PPP1R42: variants seen among roughly 807,000 people sequenced by gnomAD.
PPP1R42 encodes protein phosphatase 1 regulatory subunit 42, also known as leucine rich repeat containing 67.
A neutral mutation model predicts 31.0 loss-of-function variants in PPP1R42; 34 were observed. That is an observed-to-expected ratio of 1.10 (90% CI 0.83 to 1.46). The LOEUF is 1.46. Among genes scored for constraint, PPP1R42 ranks in the 40% most tolerant of loss-of-function variants. PPP1R42 has a pLI of 0.00. For synonymous variants in PPP1R42, 103 were observed against 109.8 expected (o/e 0.94, Z 0.39); for missense variants, 268 against 303.0 (o/e 0.88, Z 0.86).
chr8:66,984,772 A>G (rs747707441), intron 6 of PPP1R42: 5 of 1,608,574 alleles, frequency 3.1e-6, no homozygotes, highest in Non-Finnish European at 4.3e-6. Context: ...TTCTGTTCCT[A>G]ATACTCGCAT....
intron 5 of PPP1R42, among the ~76,000 whole-genome samples, chr8:67,000,891 G>A (rs944294422): frequency 3.3e-5 from 5 of 152,198 alleles, no homozygotes; most frequent in Non-Finnish European, 7.3e-5. Flanking sequence ...ACCAATGCAA[G>A]AGAAGTGTTG....
chr8:67,014,370 T>C (rs960763262), intron 3 of PPP1R42, 56 bp downstream of exon 3: 5 of 1,077,246 alleles, frequency 4.6e-6, no homozygotes, highest in Non-Finnish European at 6.4e-6. Context: ...TGCAAAAAAA[T>C]GTAAGTACCA....
At chr8:66,989,953 C>T (rs754839793) in intron 5 of PPP1R42, among the ~76,000 whole-genome samples, 5 of 152,144 alleles carry the variant, frequency 3.3e-5, no homozygotes, top group Non-Finnish European at 5.9e-5. Flanking sequence ...TTAACTAATT[C>T]CCTTTCTCTT....
chr8:66,988,624 A>G, intron 5 of PPP1R42, 107 bp from the exon 6 acceptor site: 1 of 995,208 alleles, frequency 1.0e-6, no homozygotes, highest in Non-Finnish European at 1.4e-6. Flanking sequence ...ATGGAGTTCT[A>G]GCTCAGAGCC....
At chr8:66,991,914 G>C (rs555111517) in intron 5 of PPP1R42, among the ~76,000 whole-genome samples, 1 of 152,324 alleles carries the variant, frequency 6.6e-6, no homozygotes, top group Non-Finnish European at 1.5e-5. Flanking sequence ...CCGAGATTCT[G>C]CATTTCTGCT....
At chr8:66,997,763 G>A (rs1292893619) in intron 5 of PPP1R42, among the ~76,000 whole-genome samples, 1 of 151,582 alleles carries the variant, frequency 6.6e-6, no homozygotes, top group Non-Finnish European at 1.5e-5. Flanking sequence ...TATTGCCCAG[G>A]CTGGTCTCAA....
chr8:67,015,598 CT>C (rs375638249), intron 2 of PPP1R42, among the ~76,000 whole-genome samples: 2,975 of 135,402 alleles, frequency 0.022, 43 homozygotes, highest in South Asian at 0.048. Flanking sequence ...ACATCAATTA[CT>C]TTTTTTTTTT....
chr8:66,988,315 A>G (rs1229763984), intron 6 of PPP1R42, 85 bp downstream of exon 6: 1 of 1,288,238 alleles, frequency 7.8e-7, no homozygotes, highest in Non-Finnish European at 9.8e-7. Context: ...TGTCAGATTT[A>G]TATTTCTGAA....
chr8:67,025,116 TTTTA>T (rs1816354827), intron 1 of PPP1R42, among the ~76,000 whole-genome samples: 1 of 151,342 alleles, frequency 6.6e-6, no homozygotes, highest in Non-Finnish European at 1.5e-5. Flanking sequence ...TTTTTATTTT[TTTTA>T]TTTTTATAGA....
At chr8:66,980,307 G>A (rs1168567458) in intron 7 of PPP1R42, among the ~76,000 whole-genome samples, 2 of 151,980 alleles carry the variant, frequency 1.3e-5, no homozygotes, top group Non-Finnish European at 2.9e-5. Flanking sequence ...GCTCACTACA[G>A]CCTTGATCTC....
In PPP1R42 at chr8:67,012,984, C is replaced by T; in HGVS notation, c.409G>A (p.Asp137Asn). ...RLPLGEKLLFDPRTLHSLAKS... is the reference protein window; with the variant it reads ...RLPLGEKLLFNPRTLHSLAKS... ...GCCAGAGAATGAAGAGTTCTTGGAT[C>T]AAACAGAAGCTTTTCCCCAAGGGGA... Residue 137 changes from aspartate (D) to asparagine (N), a missense_variant, in exon 4 of 8, where the codon GAT becomes AAT. By Grantham distance (23) the Asp-to-Asn change is conservative (BLOSUM62 1). Transcript: ENST00000685739. 6.2e-7 allele frequency: 1 copy of T among 1,609,612 alleles called. No homozygotes were observed. The highest frequency in any genetic ancestry group is 2.2e-5 in the East Asian group (1 of 44,774).
intron 6 of PPP1R42, chr8:66,985,488 T>C: frequency 9.2e-7 from 1 of 1,083,182 alleles, no homozygotes; most frequent in Non-Finnish European, 1.4e-6. Context: ...TTTGGTCTTT[T>C]AACTCCCCCT....
At position 66,982,106 on chromosome 8, in the gene PPP1R42, TG is replaced by T; in HGVS notation, c.744del (p.Lys249ArgfsTer19). 6.7e-7 allele frequency: 1 copy of T among 1,496,730 alleles called. No individual in the cohort carries two copies. The highest frequency in any genetic ancestry group is 1.4e-5 in the African/African-American group (1 of 71,206). 92.7% of individuals were successfully genotyped at this position (1,496,730 alleles called of 1,614,324 possible). A position where few individuals can be genotyped will look rare whatever the true frequency, so the allele number is the denominator to read the frequency against. On this transcript the variant is annotated frameshift_variant, in exon 7 of 8. Coordinates refer to ENST00000685739, the MANE Select transcript of PPP1R42 (RefSeq NM_001364910.1). LOFTEE classifies it high-confidence loss of function. ...FLMNWKASKD[A>X]KKISKKRSSK... ...CTGCTCCTTTTTTTGCTGATTTTCT[TG>T]GCATCTTTGGATGCTTTCCAATTCA...
intron 1 of PPP1R42, among the ~76,000 whole-genome samples, chr8:67,024,288 T>C (rs1449503532): frequency 5.9e-5 from 9 of 152,160 alleles, no homozygotes; most frequent in African/African-American, 2.2e-4. Context: ...TGTGGTGAAA[T>C]ACATTAATAG....
intron 7 of PPP1R42, among the ~76,000 whole-genome samples, chr8:66,977,401 G>T (rs934779414): frequency 6.8e-4 from 102 of 150,940 alleles, no homozygotes; most frequent in African/African-American, 2.4e-3. Flanking sequence ...GCAGTGGCGT[G>T]ATCATAGCTC....
Position 67,014,551 on chromosome 8 carries a change from TA to T in PPP1R42, c.170del (p.Leu57TyrfsTer12). 6.4e-7 allele frequency: 1 copy of T among 1,550,556 alleles called. No individual in the cohort carries two copies. Among genetic ancestry groups the T allele is most frequent in the South Asian group, 1.2e-5 (1 of 83,700 alleles). ...TGATTTGACTAATACAATTATCATA[TA>T]AATATAAAACACTAAGATTTTTGCA... is the stretch of plus-strand genomic sequence containing the variant. The part of the protein sequence containing the change: ...SLCKNLSVLY[L>X]YDNCISQITN... On this transcript the variant is annotated frameshift_variant, in exon 3 of 8. Transcript: ENST00000685739. LOFTEE classifies it high-confidence loss of function.
intron 5 of PPP1R42, among the ~76,000 whole-genome samples, chr8:67,002,736 C>T (rs1012321824): frequency 9.9e-4 from 110 of 111,120 alleles, no homozygotes; most frequent in South Asian, 1.5e-3. Flanking sequence ...TTTTTTTTTT[C>T]AGTGTTTTTT....
chr8:66,980,740 C>T (rs1397401596), intron 7 of PPP1R42, among the ~76,000 whole-genome samples: 1 of 152,136 alleles, frequency 6.6e-6, no homozygotes, highest in Non-Finnish European at 1.5e-5. Context: ...CTTATGCCTT[C>T]CCTTAGTCAG....
intron 2 of PPP1R42, 130 bp downstream of exon 2, chr8:67,017,489 C>A: frequency 4.3e-6 from 2 of 461,292 alleles, no homozygotes; most frequent in Admixed American, 8.5e-5. Flanking sequence ...CGGAGAGAGA[C>A]TCTATCTCAA....
Sources: allele counts gnomAD v4.1 joint callset (sites outside exome capture counted in the v4.1 genomes callset), GRCh38; gene constraint gnomAD v4.1.1; transcripts MANE v1.5; gene names NCBI Gene and HGNC (gene_info 2026-07-23, HGNC 2026-07-21).